L3MBTL4: variants seen among roughly 807,000 people sequenced by gnomAD.
The protein encoded by L3MBTL4 is lethal(3)malignant brain tumor-like protein 4.
Under a neutral mutation model 84.5 loss-of-function variants are expected in L3MBTL4, and 70 were observed. The ratio of observed to expected loss-of-function variants is 0.83; its 90% CI spans 0.68 to 1.01. The LOEUF is 1.01. Among genes scored for constraint, L3MBTL4 ranks in the 50% least tolerant of loss-of-function variants. The pLI is 0.00. For synonymous variants in L3MBTL4, 274 were observed against 259.8 expected, an observed-to-expected ratio of 1.05 and a Z score of -0.52; for missense variants, 715 against 754.8, an observed-to-expected ratio of 0.95 and a Z score of 0.62.
intron 12 of L3MBTL4, among the ~76,000 whole-genome samples, chr18:6,211,795 C>T (rs758684621): frequency 6.6e-5 from 10 of 151,962 alleles, no homozygotes; most frequent in African/African-American, 1.9e-4. Context: ...ATTACAGGCA[C>T]GTGACACCAC....
At chr18:5,962,353 T>C (rs113594041) in intron 17 of L3MBTL4, among the ~76,000 whole-genome samples, 1 of 152,118 alleles carries the variant, frequency 6.6e-6, no homozygotes, top group East Asian at 1.9e-4. Context: ...GCATAGAGAA[T>C]CCCAGCAAAC....
At chr18:6,148,404 T>C (rs1453091913) in intron 13 of L3MBTL4, among the ~76,000 whole-genome samples, 7 of 152,172 alleles carry the variant, frequency 4.6e-5, no homozygotes, top group African/African-American at 1.7e-4. Context: ...GAGGTCCACA[T>C]AGACAATGTA....
intron 1 of L3MBTL4, among the ~76,000 whole-genome samples, chr18:6,335,137 C>T (rs150965567): frequency 6.6e-6 from 1 of 152,288 alleles, no homozygotes; most frequent in East Asian, 1.9e-4. Flanking sequence ...GTTGCCCAGG[C>T]TACAGTGCAG....
chr18:6,086,937 G>A (rs1017668457), intron 15 of L3MBTL4, among the ~76,000 whole-genome samples: 1 of 152,062 alleles, frequency 6.6e-6, no homozygotes, highest in Admixed American at 6.6e-5. Context: ...AATGAATATC[G>A]ATGTCATGAG....
At chr18:6,279,428 T>G (rs937176206) in intron 4 of L3MBTL4, among the ~76,000 whole-genome samples, 3 of 152,068 alleles carry the variant, frequency 2.0e-5, no homozygotes, top group Admixed American at 6.6e-5. Flanking sequence ...AAGAAGAAAC[T>G]GCCAAACAGA....
intron 10 of L3MBTL4, among the ~76,000 whole-genome samples, chr18:6,224,784 A>G (rs767190305): frequency 1.3e-5 from 2 of 152,194 alleles, no homozygotes; most frequent in African/African-American, 2.4e-5. Flanking sequence ...AGGAAGGCTC[A>G]CAAGCTGACA....
chr18:6,187,829 T>C (rs776934072), intron 12 of L3MBTL4, among the ~76,000 whole-genome samples: 2 of 151,362 alleles, frequency 1.3e-5, no homozygotes, highest in Non-Finnish European at 2.9e-5. Flanking sequence ...ATTATTCCCA[T>C]TGAAATTATA....
rs927772830 is a variant in L3MBTL4 at position 6,414,600 on chromosome 18, C to A, written c.-91+201G>T. On this transcript the variant is annotated intron_variant, in intron 1 of 18. Coordinates refer to ENST00000317931, the MANE Select transcript of L3MBTL4 (RefSeq NM_001330559.2). The surrounding 1 kb of genome is among the most constrained non-coding windows in gnomAD (Gnocchi z 5.4). ...GCGGGGAGCCCGGCGCGCGCCCCGG[C>A]GGCGAAAGAGAAAGAGAAAGAGCCT... 1.3e-5 allele frequency: 2 copies of A among 152,026 alleles called. No individual in the cohort carries two copies. Among genetic ancestry groups the A allele is most frequent in the Non-Finnish European group, 2.9e-5 (2 of 68,020 alleles). The allele number at this position is 152,026 out of a possible 1,614,324, so 9.4% of individuals were successfully genotyped here.
At chr18:6,233,316 C>T (rs1243488467) in intron 10 of L3MBTL4, among the ~76,000 whole-genome samples, 1 of 149,768 alleles carries the variant, frequency 6.7e-6, no homozygotes, top group Admixed American at 6.6e-5. Flanking sequence ...GAAGTTCTGG[C>T]CAAGGCAATC....
At chr18:6,164,524 A>G (rs778626842) in intron 13 of L3MBTL4, among the ~76,000 whole-genome samples, 10 of 152,178 alleles carry the variant, frequency 6.6e-5, no homozygotes, top group Non-Finnish European at 1.3e-4. Flanking sequence ...CAGTTCACCA[A>G]TGTACGCTGT....
chr18:6,365,374 TTTATGAAC>T (rs1361130259), intron 1 of L3MBTL4, among the ~76,000 whole-genome samples: 1 of 152,218 alleles, frequency 6.6e-6, no homozygotes, highest in African/African-American at 2.4e-5. Context: ...AAAGACATAC[TTTATGAAC>T]TCAAGAAGAA....
At chr18:6,284,554 C>T (rs943854269) in intron 4 of L3MBTL4, among the ~76,000 whole-genome samples, 3 of 152,226 alleles carry the variant, frequency 2.0e-5, no homozygotes, top group African/African-American at 7.2e-5. Context: ...GCCGCAGCGC[C>T]GCCACCTTGG....
At chr18:6,262,315 T>C (rs545428425) in intron 5 of L3MBTL4, among the ~76,000 whole-genome samples, 1 of 152,016 alleles carries the variant, frequency 6.6e-6, no homozygotes, top group Non-Finnish European at 1.5e-5. Flanking sequence ...ATCTTTACAC[T>C]CAGAAGCGAG....
chr18:6,021,108 C>T (rs1397369215), intron 16 of L3MBTL4, among the ~76,000 whole-genome samples: 4 of 152,160 alleles, frequency 2.6e-5, no homozygotes, highest in African/African-American at 7.2e-5. Flanking sequence ...ATGGTCTCAC[C>T]GGGCCCAACG....
At chr18:6,366,586 A>T (rs556888080) in intron 1 of L3MBTL4, among the ~76,000 whole-genome samples, 54 of 152,336 alleles carry the variant, frequency 3.5e-4, no homozygotes, top group African/African-American at 1.3e-3. Context: ...CAAGGAATTG[A>T]TATTCATGAA....
chr18:6,308,185 T>A (rs1212660392), intron 3 of L3MBTL4, among the ~76,000 whole-genome samples: 1 of 151,962 alleles, frequency 6.6e-6, no homozygotes, highest in African/African-American at 2.4e-5. Flanking sequence ...CGTCAAGGAG[T>A]CTAAAGGGAC....
At chr18:6,101,055 G>C (rs1246879395) in intron 14 of L3MBTL4, among the ~76,000 whole-genome samples, 6 of 152,210 alleles carry the variant, frequency 3.9e-5, no homozygotes, top group African/African-American at 1.2e-4. Context: ...GGGGATGAAG[G>C]TGTTTCCTGG....
chr18:6,391,127 T>C (rs55821152), intron 1 of L3MBTL4, among the ~76,000 whole-genome samples: 1,567 of 152,226 alleles, frequency 0.01, 24 homozygotes, highest in African/African-American at 0.035. Context: ...CATCAAAAGA[T>C]AATACACCAT....
chr18:6,411,713 C>T (rs573739893), intron 1 of L3MBTL4, among the ~76,000 whole-genome samples: 4 of 152,170 alleles, frequency 2.6e-5, no homozygotes, highest in Admixed American at 2.0e-4. Context: ...GTTTAGTCAC[C>T]CTAACACATG....
Sources: gnomAD v4.1 joint callset for allele counts (sites outside exome capture counted in the v4.1 genomes callset) on GRCh38, gnomAD v4.1.1 for gene constraint, Gnocchi (gnomAD v3.1) non-coding constraint, MANE v1.5 for transcripts, NCBI Gene and HGNC (gene_info 2026-07-23, HGNC 2026-07-21) for gene names.